The following CCDC170 variants were observed in gnomAD, a reference collection of about 807,000 sequenced individuals.
The protein encoded by CCDC170 is coiled-coil domain containing 170, also known as coiled-coil domain-containing protein 170.
In CCDC170, 69 loss-of-function variants were observed where a neutral mutation model predicts 72.6. That is an observed-to-expected ratio of 0.95 (90% CI 0.78 to 1.16). The LOEUF is 1.16. Ranked by LOEUF, CCDC170 falls within the 50% of genes most tolerant of loss-of-function variation. The probability of loss-of-function intolerance (pLI) is 0.00; values close to 1 mark genes in which losing one functional copy is unlikely to be tolerated. For synonymous variants in CCDC170, 300 were observed against 303.9 expected (o/e 0.99, Z 0.13); for missense variants, 852 against 832.5 (o/e 1.02, Z -0.29).
chr6:151,569,924 C>T (rs1776195211), intron 5 of CCDC170, among the ~76,000 whole-genome samples: 1 of 152,158 alleles, frequency 6.6e-6, no homozygotes, highest in Non-Finnish European at 1.5e-5. Context: ...ACCCAACTTG[C>T]TCACAGACAC....
chr6:151,578,606 G>A (rs750273086), intron 6 of CCDC170, among the ~76,000 whole-genome samples: 22 of 152,104 alleles, frequency 1.4e-4, no homozygotes, highest in Non-Finnish European at 2.5e-4. Flanking sequence ...AGGTACTGGG[G>A]GGCTTCAACA....
intron 7 of CCDC170, among the ~76,000 whole-genome samples, chr6:151,586,911 A>C (rs923431855): frequency 8.4e-4 from 127 of 151,750 alleles, no homozygotes; most frequent in African/African-American, 2.9e-3. Context: ...CAGCCTCCCA[A>C]GTAGCTGAGA....
At chr6:151,615,859 A>G (rs1301375601) in intron 10 of CCDC170, 180 bp downstream of exon 10, 2 of 585,462 alleles carry the variant, frequency 3.4e-6, no homozygotes, top group Admixed American at 6.1e-5. Context: ...ATGTTAACAC[A>G]TGTGCTCCCG....
chr6:151,512,540 T>C (rs2115026723), intron 1 of CCDC170, among the ~76,000 whole-genome samples: 1 of 152,282 alleles, frequency 6.6e-6, no homozygotes, highest in South Asian at 2.1e-4. Context: ...GACAAAAACA[T>C]TTACAAACCC....
At position 151,494,104 on chromosome 6, in the gene CCDC170, A is replaced by G; in HGVS notation, c.-25A>G. On this transcript the variant is annotated 5_prime_UTR_variant, in exon 1 of 11. Transcript: ENST00000239374. Reference sequence around the variant, plus strand: ...TTCCTCAGGGCCGGTTCCGGGTCCGAGCGCGCCCCCGGGCTCGGGTCGTCA... The same window carrying G: ...TTCCTCAGGGCCGGTTCCGGGTCCGGGCGCGCCCCCGGGCTCGGGTCGTCA... 6 of 1,491,740 alleles carry G rather than the reference A, an allele frequency of 4.0e-6. No homozygotes were observed. Among genetic ancestry groups the G allele is most frequent in the Non-Finnish European group, 5.3e-6 (6 of 1,127,858 alleles). 92.4% of individuals were successfully genotyped at this position (1,491,740 alleles called of 1,614,324 possible).
intron 7 of CCDC170, 39 bp downstream of exon 7, chr6:151,586,128 G>C (rs781307444): frequency 6.3e-7 from 1 of 1,586,790 alleles, no homozygotes; most frequent in African/African-American, 1.4e-5. Context: ...GGAAGCATCT[G>C]TTGTAGTATA....
intron 3 of CCDC170, among the ~76,000 whole-genome samples, chr6:151,542,665 G>A (rs1295683255): frequency 6.6e-6 from 1 of 152,154 alleles, no homozygotes; most frequent in African/African-American, 2.4e-5. Context: ...ATATCTATGT[G>A]ATTCATATTT....
chr6:151,525,846 T>C (rs539590953), intron 1 of CCDC170, among the ~76,000 whole-genome samples: 1 of 152,292 alleles, frequency 6.6e-6, no homozygotes, highest in East Asian at 1.9e-4. Flanking sequence ...GGACTGTGGG[T>C]CACAGGGTAT....
intron 1 of CCDC170, among the ~76,000 whole-genome samples, chr6:151,504,168 A>G (rs2115020102): frequency 6.6e-6 from 1 of 152,346 alleles, no homozygotes; most frequent in Middle Eastern, 3.4e-3. Flanking sequence ...CAGCAATCAT[A>G]TTGTAATATA....
chr6:151,587,332 C>T lies in CCDC170; in HGVS notation c.1293+1243C>T, dbSNP rs114156700. ...AGGGGATCCTTGAGAGGAAGGGGAG[C>T]GACCTTCTAGTAGACCAGTGTGAAG... On this transcript the variant is annotated intron_variant, in intron 7 of 10. Transcript: ENST00000239374. 6.7e-3 allele frequency among the ~76,000 whole-genome samples: 1,019 copies of T among 152,086 alleles called. 17 individuals are homozygous for T. Among genetic ancestry groups the T allele is most frequent in the African/African-American group, 0.023 (967 of 41,478 alleles).
intron 9 of CCDC170, among the ~76,000 whole-genome samples, chr6:151,600,006 C>A (rs563936668): frequency 6.6e-6 from 1 of 152,276 alleles, no homozygotes; most frequent in African/African-American, 2.4e-5. Flanking sequence ...ATAGGAGAGA[C>A]TTGGTTTGAC....
At chr6:151,611,798 C>T (rs950713440) in intron 9 of CCDC170, among the ~76,000 whole-genome samples, 1 of 152,158 alleles carries the variant, frequency 6.6e-6, no homozygotes, top group South Asian at 2.1e-4. Context: ...GCAACTTCCA[C>T]CTCCTGGGTT....
rs2115155904 is a variant in CCDC170 at position 151,619,199 on chromosome 6, A to T, written c.*1052A>T. The T allele has an allele frequency of 6.6e-6, 1 of 152,164 alleles. No individual in the cohort carries two copies. Among genetic ancestry groups the T allele is most frequent in the South Asian group, 2.1e-4 (1 of 4,818 alleles). 9.4% of individuals were successfully genotyped at this position (152,164 alleles called of 1,614,324 possible). On this transcript the variant is annotated 3_prime_UTR_variant, in exon 11 of 11. Transcript: ENST00000239374. The stretch of plus-strand genomic sequence containing the variant: ...AGATTATATCTGGTGGTAATTGTTA[A>T]TGTTTCAGCAGGGCTGGTCTCAGTC...
Position 151,533,245 on chromosome 6 carries a change from G to A in CCDC170, c.58-3073G>A, listed in dbSNP as rs569411199. Among the ~76,000 whole-genome samples, 1,491 of 151,282 alleles carry A rather than the reference G, an allele frequency of 9.9e-3. 17 individuals are homozygous for A. The highest frequency in any genetic ancestry group is 0.025 in the African/African-American group (1,013 of 41,340). ...ATTTTTTTTTATTTTTAGTAGAGAC[G>A]GGGTTTCACCATGTTAGCCAGGATG... On this transcript the variant is annotated intron_variant, in intron 1 of 10. Coordinates refer to ENST00000239374, the MANE Select transcript of CCDC170 (RefSeq NM_025059.4).
intron 1 of CCDC170, among the ~76,000 whole-genome samples, chr6:151,495,282 A>G (rs959463368): frequency 8.5e-5 from 13 of 152,154 alleles, no homozygotes. Context: ...CTCAGAGGCC[A>G]GTTACTAGAT....
chr6:151,524,964 A>T (rs1471892194), intron 1 of CCDC170, among the ~76,000 whole-genome samples: 2 of 118,016 alleles, frequency 1.7e-5, no homozygotes, highest in Non-Finnish European at 3.2e-5. Context: ...ACGGAGTCTC[A>T]CTCTATTGCC....
intron 1 of CCDC170, among the ~76,000 whole-genome samples, chr6:151,498,228 G>A (rs1447213096): frequency 6.6e-6 from 1 of 152,068 alleles, no homozygotes; most frequent in Non-Finnish European, 1.5e-5. Context: ...GGGTTAATTA[G>A]AATAACTATC....
At chr6:151,591,728 C>A (rs1041193783) in intron 7 of CCDC170, among the ~76,000 whole-genome samples, 28 of 152,080 alleles carry the variant, frequency 1.8e-4, no homozygotes, top group Admixed American at 1.6e-3. Flanking sequence ...ATCTCCTGAC[C>A]TTGTGATCTG....
chr6:151,511,601 G>C (rs565132290), intron 1 of CCDC170, among the ~76,000 whole-genome samples: 14 of 152,186 alleles, frequency 9.2e-5, no homozygotes, highest in African/African-American at 3.4e-4. Flanking sequence ...TAGCTGACTC[G>C]TTCATTTATT....
Sources: allele counts gnomAD v4.1 joint callset (sites outside exome capture counted in the v4.1 genomes callset), GRCh38; gene constraint gnomAD v4.1.1; transcripts MANE v1.5; gene names NCBI Gene and HGNC (gene_info 2026-07-23, HGNC 2026-07-21).